PUM3: variants seen among roughly 807,000 people sequenced by gnomAD.
PUM3 encodes the protein pumilio homolog 3.
PUM3 carries 91 observed loss-of-function variants against 84.0 expected under a neutral mutation model. That is an observed-to-expected ratio of 1.08 (90% CI 0.91 to 1.29). The LOEUF (loss-of-function observed/expected upper bound fraction) is 1.29. Ranked by LOEUF, PUM3 falls within the 50% of genes most tolerant of loss-of-function variation. The pLI is 0.00. For missense variants in PUM3, 1,067 were observed against 767.5 expected (o/e 1.39, Z -4.61); for synonymous variants, 321 against 266.7 (o/e 1.20, Z -1.98).
rs570995575 is a variant in PUM3 at position 2,833,283 on chromosome 9, G to A, written c.516+74C>T. The A allele has an allele frequency of 1.7e-5, 12 of 720,162 alleles. No homozygotes were observed. In the South Asian group the frequency reaches 1.9e-4, roughly 11 times the overall value. The allele number at this position is 720,162 out of a possible 1,614,324, so 44.6% of individuals were successfully genotyped here. ...AAACAATGATAAGATCATCTGTCAT[G>A]AATGGTCAGCTACTCCTGAGAGTGA... On this transcript the variant is annotated intron_variant, in intron 5 of 17. Coordinates refer to ENST00000397885, the MANE Select transcript of PUM3 (RefSeq NM_014878.5).
At chr9:2,833,998 G>A in intron 4 of PUM3, 33 bp downstream of exon 4, 1 of 1,605,436 alleles carries the variant, frequency 6.2e-7, no homozygotes, top group Middle Eastern at 1.7e-4. Flanking sequence ...CTGTTGCAAA[G>A]GGACTAACAA....
At chr9:2,839,917 C>G (rs1211943186) in intron 1 of PUM3, among the ~76,000 whole-genome samples, 1 of 152,154 alleles carries the variant, frequency 6.6e-6, no homozygotes, top group Non-Finnish European at 1.5e-5. Context: ...CCCAGCTTCC[C>G]CTAATGTTAA....
chr9:2,805,820 G>C (rs1821245437), intron 17 of PUM3, among the ~76,000 whole-genome samples: 1 of 151,276 alleles, frequency 6.6e-6, no homozygotes, highest in African/African-American at 2.4e-5. Flanking sequence ...GAAAATTAAG[G>C]CCCAGAAAAG....
At chr9:2,833,893 C>G (rs1176548183) in intron 4 of PUM3, 138 bp downstream of exon 4, 1 of 762,970 alleles carries the variant, frequency 1.3e-6, no homozygotes, top group Non-Finnish European at 2.1e-6. Flanking sequence ...ACTGATGTCT[C>G]TAATGGGGTG....
rs1821213925 is a variant in PUM3, at chr9:2,804,183, T to C, written c.*148A>G. On this transcript the variant is annotated 3_prime_UTR_variant, in exon 18 of 18. Coordinates refer to ENST00000397885, the MANE Select transcript of PUM3 (RefSeq NM_014878.5). ...AAAAAGACCATTTAAAAAAACAATTTATATAAATAGATTCGTATACAAAGA... is the reference window on the plus strand; with the variant it reads ...AAAAAGACCATTTAAAAAAACAATTCATATAAATAGATTCGTATACAAAGA... 1.4e-6 allele frequency: 1 copy of C among 707,318 alleles called. No homozygotes were observed. The highest frequency in any genetic ancestry group is 1.8e-5 in the African/African-American group (1 of 55,206). The allele number at this position is 707,318 out of a possible 1,614,324, so 43.8% of individuals were successfully genotyped here.
intron 1 of PUM3, among the ~76,000 whole-genome samples, chr9:2,842,927 C>A (rs542143877): frequency 2.0e-5 from 3 of 152,280 alleles, no homozygotes; most frequent in East Asian, 3.9e-4. Context: ...AGTAAGAAAT[C>A]TGAGTTACCC....
chr9:2,820,499 G>A (rs1228920455), intron 12 of PUM3, among the ~76,000 whole-genome samples: 1 of 151,564 alleles, frequency 6.6e-6, no homozygotes, highest in East Asian at 1.9e-4. Flanking sequence ...CTCCAATCAT[G>A]AAAAAGAAAA....
chr9:2,807,767 T>G, intron 17 of PUM3, 47 bp downstream of exon 17: 1 of 1,236,008 alleles, frequency 8.1e-7, no homozygotes, highest in Admixed American at 1.7e-5. Flanking sequence ...AAGTGTGTCT[T>G]TTGCATGACC....
At chr9:2,809,918 T>C (rs1821330626) in intron 16 of PUM3, among the ~76,000 whole-genome samples, 1 of 152,176 alleles carries the variant, frequency 6.6e-6, no homozygotes, top group African/African-American at 2.4e-5. Context: ...AATCTTCTTC[T>C]GCTTATTCTT....
intron 1 of PUM3, among the ~76,000 whole-genome samples, chr9:2,842,951 C>T (rs1211509427): frequency 6.6e-6 from 1 of 152,164 alleles, no homozygotes; most frequent in Non-Finnish European, 1.5e-5. Flanking sequence ...ACATTTTCCT[C>T]TCTACTCTGC....
At chr9:2,809,826 G>A (rs904751054) in intron 16 of PUM3, among the ~76,000 whole-genome samples, 9 of 152,282 alleles carry the variant, frequency 5.9e-5, no homozygotes, top group East Asian at 1.9e-4. Context: ...ACCAGAAAGC[G>A]CCAAAGACTG....
Position 2,824,754 on chromosome 9 carries a change from C to T in PUM3, c.1097G>A (p.Arg366Lys), listed in dbSNP as rs774148520. The T allele has an allele frequency of 6.3e-7, 1 of 1,587,604 alleles. No homozygotes were observed. Among genetic ancestry groups the T allele is most frequent in the Non-Finnish European group, 8.6e-7 (1 of 1,163,328 alleles). ...ATGCCACAGGCAGTGCATGGCCACT[C>T]TGGCGCCATCGTGTGTGTGTGCCAG... ...VYLAHTHDGARVAMHCLWHGT... is the reference protein window; with the variant it reads ...VYLAHTHDGAKVAMHCLWHGT... Residue 366 changes from arginine to lysine, a missense_variant, in exon 11 of 18, where the codon AGA becomes AAA. By Grantham distance (26) the Arg-to-Lys change is conservative. Coordinates refer to ENST00000397885, the MANE Select transcript of PUM3 (RefSeq NM_014878.5).
In PUM3 at chr9:2,820,041, G is replaced by A; in HGVS notation, c.1246C>T (p.Leu416Phe). 1.9e-6 allele frequency: 3 copies of A among 1,611,044 alleles called. No homozygotes were observed. The highest frequency in any genetic ancestry group is 1.1e-5 in the South Asian group (1 of 90,972). The change falls in exon 13 of 18, where the codon CTT becomes TTT. Residue 416 changes from leucine to phenylalanine, a missense_variant. Coordinates refer to ENST00000397885, the MANE Select transcript of PUM3 (RefSeq NM_014878.5). ...ACTGATATGATTATCTGCTTCACAA[G>A]CTTAGTATCATCAATACAATCAAAT... ...AAFDCIDDTK[L>F]VKQIIISEII...
At chr9:2,826,313 A>C (rs2031317998) in intron 10 of PUM3, among the ~76,000 whole-genome samples, 1 of 152,138 alleles carries the variant, frequency 6.6e-6, no homozygotes, top group South Asian at 2.1e-4. Context: ...GGGATACTGT[A>C]TTTTTCAGGA....
chr9:2,833,043 A>G (rs1816025847), intron 5 of PUM3, among the ~76,000 whole-genome samples: 1 of 152,228 alleles, frequency 6.6e-6, no homozygotes, highest in Non-Finnish European at 1.5e-5. Flanking sequence ...AATTATATGG[A>G]GTTTAGAACA....
At chr9:2,817,912 T>C (rs372090285) in intron 13 of PUM3, among the ~76,000 whole-genome samples, 12 of 152,204 alleles carry the variant, frequency 7.9e-5, no homozygotes, top group Admixed American at 6.6e-4. Context: ...CCAGCGACCA[T>C]TGCTGTCAAA....
intron 3 of PUM3, among the ~76,000 whole-genome samples, chr9:2,834,813 T>A (rs1211359233): frequency 7.0e-6 from 1 of 142,014 alleles, no homozygotes; most frequent in Non-Finnish European, 1.6e-5. Flanking sequence ...ACAAACAGAG[T>A]GATACTATAA....
Position 2,831,250 on chromosome 9 carries a change from C to A in PUM3, c.610+1G>T, listed in dbSNP as rs1050813917. ...CATAATCTTTAGTATGTAATAAATA[C>A]CTCGCAATTCTTCAAAAGCCTGTTT... On this transcript the variant is annotated splice_donor_variant, in intron 6 of 17. Transcript: ENST00000397885. LOFTEE classifies it high-confidence loss of function. 3.2e-6 allele frequency: 5 copies of A among 1,558,698 alleles called. No individual in the cohort carries two copies. Among genetic ancestry groups the A allele is most frequent in the Non-Finnish European group, 4.4e-6 (5 of 1,133,336 alleles).
At position 2,827,139 on chromosome 9, in the gene PUM3, A is replaced by G. The variant is rs757916823; in HGVS notation, c.969T>C (p.Ile323=). ...LTPMAQKEAV[I]KHSLVHKVFL... is the part of the protein sequence containing the mutation. Reference sequence around the variant, plus strand: ...ATACTTTATGCACCAATGAGTGCTTAATCACAGCTTCCCTGAAAACAGAAA... The same window carrying G: ...ATACTTTATGCACCAATGAGTGCTTGATCACAGCTTCCCTGAAAACAGAAA... The change falls in exon 10 of 18, where the codon ATT becomes ATC. Residue 323 remains isoleucine (I), a synonymous_variant. Coordinates refer to ENST00000397885, the MANE Select transcript of PUM3 (RefSeq NM_014878.5). 1.2e-5 allele frequency: 20 copies of G among 1,608,766 alleles called. No individual in the cohort carries two copies. The East Asian group carries it at 2.5e-4, about 20-fold the overall frequency.
Sources: allele counts gnomAD v4.1 joint callset (sites outside exome capture counted in the v4.1 genomes callset), GRCh38; gene constraint gnomAD v4.1.1; transcripts MANE v1.5; gene names NCBI Gene and HGNC (gene_info 2026-07-23, HGNC 2026-07-21).